SUSD4: variants seen among roughly 807,000 people sequenced by gnomAD.
SUSD4 encodes the protein sushi domain-containing protein 4.
A neutral mutation model predicts 50.5 loss-of-function variants in SUSD4; 41 were observed. That is an observed-to-expected ratio of 0.81 (90% CI 0.63 to 1.05). SUSD4 has a LOEUF of 1.05. SUSD4 is among the 50% of genes least tolerant of loss of function. SUSD4 has a pLI of 0.00. For synonymous variants in SUSD4, 257 were observed against 257.3 expected, an observed-to-expected ratio of 1.00 and a Z score of 0.01; for missense variants, 580 against 634.7, an observed-to-expected ratio of 0.91 and a Z score of 0.93.
At chr1:223,302,759 T>A (rs1665274866) in intron 2 of SUSD4, among the ~76,000 whole-genome samples, 1 of 152,222 alleles carries the variant, frequency 6.6e-6, no homozygotes, top group African/African-American at 2.4e-5. Flanking sequence ...ACATCCAAAC[T>A]AACCTGCCTC....
rs184809316 is a variant in SUSD4, at chr1:223,346,833, G to A, written c.148+16445C>T. Among the ~76,000 whole-genome samples, 400 of 152,162 alleles carry A rather than the reference G, an allele frequency of 2.6e-3. 2 individuals are homozygous for A. The highest frequency in any genetic ancestry group is 9.1e-3 in the African/African-American group (379 of 41,504). Reference sequence around the variant, plus strand: ...TTACTACATTTCTTGCTATATTGCTGGTCTGTCTCCAAAACATGCCCTTGG... The same window carrying A: ...TTACTACATTTCTTGCTATATTGCTAGTCTGTCTCCAAAACATGCCCTTGG... On this transcript the variant is annotated intron_variant, in intron 2 of 8. Transcript: ENST00000366878.
chr1:223,305,527 G>A (rs565789450), intron 2 of SUSD4, among the ~76,000 whole-genome samples: 1 of 152,308 alleles, frequency 6.6e-6, no homozygotes, highest in African/African-American at 2.4e-5. Flanking sequence ...TGAATTTAGT[G>A]CTATGTCATT....
chr1:223,281,366 G>C (rs1270534898), intron 3 of SUSD4, among the ~76,000 whole-genome samples: 1 of 152,022 alleles, frequency 6.6e-6, no homozygotes, highest in East Asian at 1.9e-4. Flanking sequence ...AGAAAAGAGA[G>C]AAGAATCAAA....
intron 7 of SUSD4, among the ~76,000 whole-genome samples, chr1:223,223,947 A>G (rs975199051): frequency 1.3e-5 from 2 of 152,226 alleles, no homozygotes; most frequent in Non-Finnish European, 2.9e-5. Context: ...CCTTCTGGCC[A>G]TAAGCTCATG....
intron 3 of SUSD4, among the ~76,000 whole-genome samples, chr1:223,286,435 G>A (rs1664145420): frequency 6.6e-6 from 1 of 152,052 alleles, no homozygotes; most frequent in Non-Finnish European, 1.5e-5. Context: ...ATTTTCAGTA[G>A]AGACAGGGTT....
intron 2 of SUSD4, among the ~76,000 whole-genome samples, chr1:223,328,617 T>C (rs1667005986): frequency 6.6e-6 from 1 of 152,220 alleles, no homozygotes; most frequent in Non-Finnish European, 1.5e-5. Flanking sequence ...CTGTTGCCTC[T>C]GCCGCTCATC....
chr1:223,329,927 T>C (rs979782015), intron 2 of SUSD4, among the ~76,000 whole-genome samples: 1 of 152,044 alleles, frequency 6.6e-6, no homozygotes, highest in African/African-American at 2.4e-5. Flanking sequence ...GATGGACAGA[T>C]GAATGAATGG....
At chr1:223,296,499 G>A (rs1330705513) in intron 2 of SUSD4, among the ~76,000 whole-genome samples, 4 of 152,172 alleles carry the variant, frequency 2.6e-5, no homozygotes, top group Admixed American at 1.3e-4. Context: ...GGCCTGTGCT[G>A]TGCATCCATG....
chr1:223,278,500 A>T (rs980739865), intron 3 of SUSD4, among the ~76,000 whole-genome samples: 1 of 152,222 alleles, frequency 6.6e-6, no homozygotes, highest in African/African-American at 2.4e-5. Flanking sequence ...ACTGCAAGGC[A>T]GCAGCGAGGC....
At chr1:223,343,745 T>C (rs1481873893) in intron 2 of SUSD4, among the ~76,000 whole-genome samples, 1 of 152,210 alleles carries the variant, frequency 6.6e-6, no homozygotes, top group African/African-American at 2.4e-5. Context: ...TGCATATATA[T>C]AGCTGCTTTT....
intron 2 of SUSD4, among the ~76,000 whole-genome samples, chr1:223,348,290 T>A (rs1432093665): frequency 6.6e-6 from 1 of 152,314 alleles, no homozygotes; most frequent in African/African-American, 2.4e-5. Context: ...ATTCTGCTCA[T>A]ATTTTCAGCG....
chr1:223,319,444 A>C (rs1452555527), intron 2 of SUSD4, among the ~76,000 whole-genome samples: 1 of 152,080 alleles, frequency 6.6e-6, no homozygotes, highest in African/African-American at 2.4e-5. Flanking sequence ...CAATGAACTC[A>C]AACAAATTTA....
At chr1:223,283,813 A>G (rs1401577860) in intron 3 of SUSD4, among the ~76,000 whole-genome samples, 1 of 152,184 alleles carries the variant, frequency 6.6e-6, no homozygotes, top group Non-Finnish European at 1.5e-5. Flanking sequence ...TCACAATAGC[A>G]AAGACTTGGA....
At chr1:223,286,744 A>G (rs916572858) in intron 3 of SUSD4, among the ~76,000 whole-genome samples, 10 of 152,216 alleles carry the variant, frequency 6.6e-5, no homozygotes, top group Non-Finnish European at 1.5e-4. Context: ...ATAAATAATA[A>G]CATCGAGTGA....
intron 3 of SUSD4, among the ~76,000 whole-genome samples, chr1:223,273,962 A>G (rs1663089779): frequency 6.6e-6 from 1 of 152,152 alleles, no homozygotes; most frequent in Non-Finnish European, 1.5e-5. Context: ...TGTGAGTCTG[A>G]GTTCCTGAGT....
chr1:223,309,759 T>G (rs1401308048), intron 2 of SUSD4, among the ~76,000 whole-genome samples: 1 of 152,228 alleles, frequency 6.6e-6, no homozygotes, highest in Non-Finnish European at 1.5e-5. Flanking sequence ...GAGGACAAGA[T>G]GCATTCCACC....
intron 2 of SUSD4, among the ~76,000 whole-genome samples, chr1:223,323,863 G>C (rs146340376): frequency 6.6e-6 from 1 of 152,124 alleles, no homozygotes; most frequent in African/African-American, 2.4e-5. Flanking sequence ...GAGAACATCT[G>C]AGAAGCAGAA....
Position 223,222,059 on chromosome 1 carries a change from T to C in SUSD4, c.*133A>G. On this transcript the variant is annotated 3_prime_UTR_variant, in exon 9 of 9. Transcript: ENST00000366878. ...GCCTCACTGTGGAGCCTGAGATGCA[T>C]AATGTGAACTGTGGTCCCCATGTAG... 1 of 804,556 alleles carries C rather than the reference T, an allele frequency of 1.2e-6. No individual in the cohort carries two copies. The highest frequency in any genetic ancestry group is 2.0e-6 in the Non-Finnish European group (1 of 501,172). 49.8% of individuals were successfully genotyped at this position (804,556 alleles called of 1,614,324 possible).
intron 2 of SUSD4, among the ~76,000 whole-genome samples, chr1:223,305,781 T>C (rs753019810): frequency 1.3e-5 from 2 of 152,354 alleles, no homozygotes; most frequent in Admixed American, 6.5e-5. Flanking sequence ...ACCTAGTTTT[T>C]TGAAGACATG....
Sources: gnomAD v4.1 joint callset for allele counts (sites outside exome capture counted in the v4.1 genomes callset) on GRCh38, gnomAD v4.1.1 for gene constraint, MANE v1.5 for transcripts, NCBI Gene and HGNC (gene_info 2026-07-23, HGNC 2026-07-21) for gene names.